Variants in PLA2R1 observed in about 807,000 individuals in gnomAD.
PLA2R1 encodes phospholipase A2 receptor 1.
PLA2R1 carries 158 observed loss-of-function variants against 195.9 expected under a neutral mutation model. The ratio of observed to expected loss-of-function variants is 0.81; its 90% confidence interval spans 0.71 to 0.92. The LOEUF (loss-of-function observed/expected upper bound fraction) is 0.92. Among genes scored for constraint, PLA2R1 ranks in the 40% least tolerant of loss-of-function variants. PLA2R1 has a pLI of 0.00. For missense variants in PLA2R1, 1,626 were observed against 1,764.6 expected, an observed-to-expected ratio of 0.92 and a Z score of 1.41; for synonymous variants, 586 against 598.2, an observed-to-expected ratio of 0.98 and a Z score of 0.30.
chr2:160,009,296 G>C (rs1013472748), intron 10 of PLA2R1, among the ~76,000 whole-genome samples: 2 of 152,172 alleles, frequency 1.3e-5, no homozygotes, highest in African/African-American at 4.8e-5. Context: ...CAAATGGTGG[G>C]AGCAACCCAA....
chr2:159,988,773 T>A (rs1198296777), intron 11 of PLA2R1, among the ~76,000 whole-genome samples: 1 of 152,180 alleles, frequency 6.6e-6, no homozygotes, highest in African/African-American at 2.4e-5. Context: ...GTACCTGGCA[T>A]TGTGCTTGTC....
At chr2:159,971,382 T>C (rs1394425900) in intron 17 of PLA2R1, among the ~76,000 whole-genome samples, 1 of 152,190 alleles carries the variant, frequency 6.6e-6, no homozygotes, top group African/African-American at 2.4e-5. Flanking sequence ...TACATTTTAC[T>C]AATTTTATAC....
intron 28 of PLA2R1, among the ~76,000 whole-genome samples, chr2:159,943,818 TC>T (rs1368040563): frequency 1.6e-3 from 250 of 151,610 alleles, no homozygotes; most frequent in Middle Eastern, 3.4e-3. Context: ...TTTTTTTTTT[TC>T]TCTCACACAG....
At chr2:159,988,146 CAT>C (rs1386242121) in intron 11 of PLA2R1, among the ~76,000 whole-genome samples, 3 of 77,788 alleles carry the variant, frequency 3.9e-5, no homozygotes, top group African/African-American at 1.9e-4. Context: ...CTATACAACT[CAT>C]ATGACAGCAA....
chr2:160,001,638 A>G (rs1203886918), intron 11 of PLA2R1, among the ~76,000 whole-genome samples: 1 of 151,996 alleles, frequency 6.6e-6, no homozygotes, highest in Admixed American at 6.6e-5. Context: ...GCCAATACTA[A>G]TTTTTAAAAA....
At chr2:160,042,937 G>A (rs1214341534) in intron 2 of PLA2R1, among the ~76,000 whole-genome samples, 1 of 151,732 alleles carries the variant, frequency 6.6e-6, no homozygotes. Flanking sequence ...TGGACAGGAT[G>A]GGCAGTGAAA....
At chr2:159,947,675 G>T in intron 25 of PLA2R1, 116 bp from the exon 26 acceptor site, 1 of 974,858 alleles carries the variant, frequency 1.0e-6, no homozygotes, top group Non-Finnish European at 1.6e-6. Flanking sequence ...AGATTTTCAT[G>T]GTAATACTCT....
At chr2:159,931,648 C>T (rs927433875), downstream of PLA2R1, among the ~76,000 whole-genome samples, 2 of 152,156 alleles carry the variant, frequency 1.3e-5, no homozygotes, top group African/African-American at 2.4e-5. Context: ...CAATCTCCCC[C>T]GGCTCAGCCT....
rs1692272415 is a variant in PLA2R1, at chr2:160,010,225, A to G, written c.1664+3038T>C. 1.3e-5 allele frequency among the ~76,000 whole-genome samples: 2 copies of G among 152,244 alleles called. 1 individual carries two copies. On this transcript the variant is annotated intron_variant, in intron 10 of 29. Transcript: ENST00000283243. ...TTGGATTATTTTGTACCAATATTCT[A>G]TGGCTGATTGATTCAAAATTTAGAC...
At chr2:159,967,925 C>T (rs560892337) in intron 19 of PLA2R1, among the ~76,000 whole-genome samples, 18 of 152,048 alleles carry the variant, frequency 1.2e-4, no homozygotes, top group Admixed American at 3.9e-4. Flanking sequence ...ATAAATACTG[C>T]AATTTGAATC....
intron 25 of PLA2R1, among the ~76,000 whole-genome samples, chr2:159,948,194 A>C (rs1483857194): frequency 6.6e-6 from 1 of 152,162 alleles, no homozygotes; most frequent in African/African-American, 2.4e-5. Context: ...TTATCTATAA[A>C]AGAGAGCTAA....
At chr2:159,991,744 G>A (rs6432574) in intron 11 of PLA2R1, among the ~76,000 whole-genome samples, 107,102 of 133,594 alleles carry the variant, frequency 0.8, 43,063 homozygotes, top group East Asian at 0.87. Flanking sequence ...ATAGTTTACT[G>A]AGAATGATGA....
intron 17 of PLA2R1, among the ~76,000 whole-genome samples, chr2:159,975,253 C>A (rs1689462925): frequency 6.6e-6 from 1 of 152,088 alleles, no homozygotes; most frequent in Admixed American, 6.6e-5. Context: ...ATATATCTAG[C>A]CTTTTTAAAA....
At chr2:160,023,770 G>T (rs376417386) in intron 6 of PLA2R1, among the ~76,000 whole-genome samples, 8 of 152,154 alleles carry the variant, frequency 5.3e-5, no homozygotes, top group Non-Finnish European at 1.0e-4. Context: ...CCTGCCACAG[G>T]AACAGCCAAA....
rs138050631 is a variant in PLA2R1 at position 159,941,451 on chromosome 2, T to A, written c.*327A>T. The stretch of plus-strand genomic sequence containing the variant: ...GTTTTAAAATTCCCCCAAATTTTAG[T>A]AGAGATACATTAATGCAAAAACTAT... On this transcript the variant is annotated 3_prime_UTR_variant, in exon 30 of 30. Transcript: ENST00000283243. 6.4e-4 allele frequency: 112 copies of A among 174,002 alleles called. No homozygotes were observed. The highest frequency in any genetic ancestry group is 1.1e-3 in the Non-Finnish European group (91 of 82,102). 10.8% of individuals were successfully genotyped at this position (174,002 alleles called of 1,614,324 possible).
chr2:159,999,569 C>T (rs62175469), intron 11 of PLA2R1, among the ~76,000 whole-genome samples: 220 of 6,442 alleles, frequency 0.034, 96 homozygotes, highest in Middle Eastern at 0.24. Context: ...TTTCACCGTT[C>T]TAGCCGGGAT....
At chr2:159,986,679 C>T (rs915618875) in intron 12 of PLA2R1, among the ~76,000 whole-genome samples, 2 of 151,916 alleles carry the variant, frequency 1.3e-5, no homozygotes, top group Non-Finnish European at 2.9e-5. Flanking sequence ...CTCTGCCTCC[C>T]GGGTTCGAGC....
intron 2 of PLA2R1, among the ~76,000 whole-genome samples, chr2:160,042,824 T>C (rs1240704731): frequency 1.1e-4 from 13 of 116,882 alleles, no homozygotes; most frequent in African/African-American, 2.7e-4. Flanking sequence ...TGTGTGTGTG[T>C]GTGTGTGTGT....
At chr2:160,034,347 GA>G (rs971988883) in intron 3 of PLA2R1, among the ~76,000 whole-genome samples, 2 of 152,030 alleles carry the variant, frequency 1.3e-5, no homozygotes, top group Admixed American at 6.6e-5. Context: ...AAGGATCCAA[GA>G]TTAAAGGAAG....
Sources: allele counts gnomAD v4.1 joint callset (sites outside exome capture counted in the v4.1 genomes callset), GRCh38; gene constraint gnomAD v4.1.1; transcripts MANE v1.5; gene names NCBI Gene and HGNC (gene_info 2026-07-23, HGNC 2026-07-21).